FAM20B: variants seen among roughly 807,000 people sequenced by gnomAD.
The protein encoded by FAM20B is glycosaminoglycan xylosylkinase.
In FAM20B, 23 loss-of-function variants were observed where a neutral mutation model predicts 43.8. That is an observed-to-expected ratio of 0.53 (90% CI 0.38 to 0.74). The LOEUF (loss-of-function observed/expected upper bound fraction) is 0.74. FAM20B is among the 30% of genes least tolerant of loss of function. The probability of loss-of-function intolerance (pLI) is 0.00; values close to 1 mark genes in which losing one functional copy is unlikely to be tolerated. For missense variants in FAM20B, 440 were observed against 510.5 expected (o/e 0.86, Z 1.33); for synonymous variants, 178 against 192.4 (o/e 0.93, Z 0.62).
intron 2 of FAM20B, 36 bp downstream of exon 2, chr1:179,044,260 G>T: frequency 6.4e-7 from 1 of 1,551,036 alleles, no homozygotes. Context: ...TGTGCTAGTT[G>T]GTTGATTCAT....
At chr1:179,062,998 C>T (rs761665069) in intron 4 of FAM20B, among the ~76,000 whole-genome samples, 12 of 152,238 alleles carry the variant, frequency 7.9e-5, no homozygotes, top group South Asian at 2.1e-4. Context: ...GAGTTCAGGC[C>T]GGGCGCGGTA....
intron 4 of FAM20B, among the ~76,000 whole-genome samples, chr1:179,060,368 C>A (rs1188141360): frequency 1.3e-5 from 2 of 152,086 alleles, no homozygotes; most frequent in African/African-American, 4.8e-5. Context: ...TGTCAGGGGT[C>A]CCCAACCCCT....
chr1:179,025,866 C>A (rs1213540376), upstream of FAM20B: 1 of 125,060 alleles, frequency 8.0e-6, no homozygotes, highest in Non-Finnish European at 1.6e-5. Context: ...ACGGTACCAA[C>A]AGCCGGGGGC....
At chr1:179,035,363 G>A (rs1376700580) in intron 1 of FAM20B, 1 of 701,204 alleles carries the variant, frequency 1.4e-6, no homozygotes, top group Non-Finnish European at 2.6e-6. Context: ...AATCGGGGTA[G>A]GGGTGTTCGG....
At chr1:179,063,371 A>G (rs1651557123) in intron 4 of FAM20B, among the ~76,000 whole-genome samples, 1 of 152,216 alleles carries the variant, frequency 6.6e-6, no homozygotes, top group African/African-American at 2.4e-5. Flanking sequence ...AGATCACTTG[A>G]GTCCAGGAGT....
rs1649753183 is a variant in FAM20B, at chr1:179,026,051, C to T, written c.-181C>T. The T allele has an allele frequency of 7.0e-6, 1 of 143,202 alleles. No individual in the cohort carries two copies. The highest frequency in any genetic ancestry group is 2.5e-5 in the African/African-American group (1 of 39,642). 8.9% of individuals were successfully genotyped at this position (143,202 alleles called of 1,614,324 possible). ...GCGGCGGGGGCGGCCGGGGCCGCGC[C>T]GCACCGCACCGCGCGGGCGGCCATG... is the stretch of plus-strand genomic sequence containing the variant. On this transcript the variant is annotated 5_prime_UTR_variant, in exon 1 of 8. Coordinates refer to ENST00000263733, the MANE Select transcript of FAM20B (RefSeq NM_014864.4).
intron 1 of FAM20B, among the ~76,000 whole-genome samples, chr1:179,026,441 G>A (rs1338487201): frequency 1.3e-5 from 2 of 152,234 alleles, no homozygotes; most frequent in East Asian, 3.9e-4. Context: ...GCTGCCAGAG[G>A]TCCTTCTAGT....
chr1:179,023,489 A>G (rs957392340), upstream of FAM20B, among the ~76,000 whole-genome samples: 1 of 152,186 alleles, frequency 6.6e-6, no homozygotes, highest in Non-Finnish European at 1.5e-5. Flanking sequence ...AGACCTCCTT[A>G]ATTGGGGTTC....
intron 2 of FAM20B, 115 bp downstream of exon 2, chr1:179,044,339 G>A: frequency 1.7e-6 from 2 of 1,150,686 alleles, no homozygotes; most frequent in Non-Finnish European, 2.4e-6. Context: ...AAAATAAGAG[G>A]GGTAGACTAG....
At chr1:179,047,517 A>G (rs1287906975) in intron 2 of FAM20B, among the ~76,000 whole-genome samples, 1 of 151,946 alleles carries the variant, frequency 6.6e-6, no homozygotes, top group African/African-American at 2.4e-5. Context: ...CTCCCGCATC[A>G]TCTCCTAAAC....
intron 1 of FAM20B, among the ~76,000 whole-genome samples, chr1:179,036,160 C>G (rs1160531960): frequency 1.3e-5 from 2 of 152,092 alleles, no homozygotes; most frequent in African/African-American, 4.8e-5. Flanking sequence ...GTAAATTAGC[C>G]TCCGTAGCAA....
the FAM20B span, among the ~76,000 whole-genome samples, chr1:179,018,282 C>T: frequency 0.54 from 81,443 of 152,036 alleles, 23,028 homozygotes; most frequent in African/African-American, 0.72. Context: ...CTAAACAAAC[C>T]TCAGTATAAC....
At chr1:179,019,903 G>A in the FAM20B span, among the ~76,000 whole-genome samples, 1 of 152,152 alleles carries the variant, frequency 6.6e-6, no homozygotes. Context: ...GGATCTCCCT[G>A]CCTACATGCC....
rs371656285 is a variant in FAM20B, at chr1:179,072,192, C to T, written c.*48C>T. ...ACTTCTTTTTACAAAGATAGAGAAA[C>T]AGCACAATCAATTCCAAATGGTATG... On this transcript the variant is annotated 3_prime_UTR_variant, in exon 8 of 8. Coordinates refer to ENST00000263733, the MANE Select transcript of FAM20B (RefSeq NM_014864.4). 4 of 1,415,210 alleles carry T rather than the reference C, an allele frequency of 2.8e-6. No homozygotes were observed. Among genetic ancestry groups the T allele is most frequent in the Admixed American group, 2.0e-5 (1 of 51,238 alleles). 87.7% of individuals were successfully genotyped at this position (1,415,210 alleles called of 1,614,324 possible).
intron 1 of FAM20B, among the ~76,000 whole-genome samples, chr1:179,036,988 AC>A (rs1365230005): frequency 2.6e-5 from 4 of 152,206 alleles, no homozygotes; most frequent in Admixed American, 2.6e-4. Flanking sequence ...AAGAGCACCT[AC>A]ACATCAAGAG....
chr1:179,047,338 A>T (rs1231652609), intron 2 of FAM20B, among the ~76,000 whole-genome samples: 1 of 152,088 alleles, frequency 6.6e-6, no homozygotes, highest in Non-Finnish European at 1.5e-5. Flanking sequence ...CAGAAGACTT[A>T]TTATCACTAT....
intron 3 of FAM20B, among the ~76,000 whole-genome samples, chr1:179,053,339 G>T (rs1244014992): frequency 6.6e-6 from 1 of 152,098 alleles, no homozygotes; most frequent in Non-Finnish European, 1.5e-5. Flanking sequence ...GGGAGGCTGA[G>T]GTGAGAGGAT....
Position 179,050,323 on chromosome 1 carries a change from A to G in FAM20B, c.422A>G (p.Tyr141Cys). Residue 141 changes from tyrosine to cysteine, a missense_variant, in exon 3 of 8, where the codon TAT (tyrosine) becomes TGT (cysteine). Physicochemically the swap from Tyr to Cys is radical, Grantham distance 194 (BLOSUM62 -2). Transcript: ENST00000263733. ...GTGGAAGGGGAACCGTATGCTGGTT[A>G]TGATAGACACAATGCAGAGGTAGCA... ...HVVEGEPYAG[Y>C]DRHNAEVAAF... 2 of 1,614,052 alleles carry G rather than the reference A, an allele frequency of 1.2e-6. No homozygotes were observed. Among genetic ancestry groups the G allele is most frequent in the Non-Finnish European group, 1.7e-6 (2 of 1,179,880 alleles).
At chr1:179,057,302 G>A (rs751266656) in intron 4 of FAM20B, among the ~76,000 whole-genome samples, 7 of 152,020 alleles carry the variant, frequency 4.6e-5, no homozygotes, top group African/African-American at 9.7e-5. Context: ...CTGAGATCAC[G>A]CCACTGTAAC....
Sources: allele counts gnomAD v4.1 joint callset (sites outside exome capture counted in the v4.1 genomes callset), GRCh38; gene constraint gnomAD v4.1.1; transcripts MANE v1.5; gene names NCBI Gene and HGNC (gene_info 2026-07-23, HGNC 2026-07-21).